FAM133A: variants seen among roughly 807,000 people sequenced by gnomAD.
FAM133A encodes family with sequence similarity 133 member A.
For missense variants in FAM133A, 159 were observed against 164.4 expected (o/e 0.97, Z 0.18); for synonymous variants, 65 against 58.6 (o/e 1.11, Z -0.50).
At chrX:93,695,786 C>T (rs1341594039) in intron 2 of FAM133A, among the ~76,000 whole-genome samples, 3 of 107,618 alleles carry the variant, frequency 2.8e-5, no homozygotes, top group African/African-American at 6.8e-5. Flanking sequence ...GGACTATAGG[C>T]GCCCGCCACC....
intron 2 of FAM133A, among the ~76,000 whole-genome samples, chrX:93,694,621 C>T (rs1436652713): frequency 9.0e-6 from 1 of 111,283 alleles, no homozygotes; most frequent in East Asian, 2.8e-4. Flanking sequence ...AGGAAAACAG[C>T]TCTATTAGGG....
At chrX:93,709,131 A>G (rs1162869884) in intron 3 of FAM133A, among the ~76,000 whole-genome samples, 186 bp from the exon 4 acceptor site, 1 of 111,893 alleles carries the variant, frequency 8.9e-6, no homozygotes, top group Non-Finnish European at 1.9e-5. Context: ...AGTTTATATT[A>G]TGTTTATACC....
chrX:93,709,816 A>G lies in FAM133A; in HGVS notation c.397A>G (p.Lys133Glu). 8.3e-7 allele frequency: 1 copy of G among 1,198,967 alleles called. No homozygotes were observed. Among genetic ancestry groups the G allele is most frequent in the Non-Finnish European group, 1.1e-6 (1 of 888,589 alleles). Reference sequence around the variant, plus strand: ...AAAGAAACAAGGAAAAAGGAGAAAGAAAAAGAAGAACCGTTCATACAAATC... The same window carrying G: ...AAAGAAACAAGGAAAAAGGAGAAAGGAAAAGAAGAACCGTTCATACAAATC... ...EEKKQGKRRK[K>E]KKNRSYKSSQ... The change falls in exon 4 of 4, where the codon AAA becomes GAA. Residue 133 changes from lysine (K) to glutamate (E), a missense_variant. Lys to Glu is a moderately conservative substitution (Grantham distance 56, BLOSUM62 1). Coordinates refer to ENST00000683942, the MANE Select transcript of FAM133A (RefSeq NM_001171109.2).
intron 2 of FAM133A, among the ~76,000 whole-genome samples, chrX:93,693,678 G>A (rs1380123086): frequency 1.8e-5 from 2 of 111,374 alleles, no homozygotes; most frequent in Non-Finnish European, 3.8e-5. Context: ...TACAAGTTGA[G>A]ATGCAACATT....
At chrX:93,699,888 T>C (rs1349809161) in intron 3 of FAM133A, among the ~76,000 whole-genome samples, 1 of 111,008 alleles carries the variant, frequency 9.0e-6, no homozygotes, top group African/African-American at 3.3e-5. Context: ...CTCCCCCCAG[T>C]TTTTAGCAGT....
rs760979272 is a variant in FAM133A, at chrX:93,710,199, A to T, written c.*33A>T. On this transcript the variant is annotated 3_prime_UTR_variant, in exon 4 of 4. Coordinates refer to ENST00000683942, the MANE Select transcript of FAM133A (RefSeq NM_001171109.2). ...AAAAAAAGCAAGAATGAGTTTGCCG[A>T]GTTCCCCTGTGTTAGTAGAATTATT... The T allele has an allele frequency of 2.6e-6, 3 of 1,139,802 alleles. No homozygotes were observed. Among genetic ancestry groups the T allele is most frequent in the Middle Eastern group, 3.6e-4 (1 of 2,787 alleles). 93.9% of individuals were successfully genotyped at this position (1,139,802 alleles called of 1,213,427 possible). A position where few individuals can be genotyped will look rare whatever the true frequency, so the allele number is the denominator to read the frequency against.
intron 3 of FAM133A, among the ~76,000 whole-genome samples, chrX:93,700,124 AT>A (rs1926594326): frequency 9.1e-6 from 1 of 110,027 alleles, no homozygotes; most frequent in Non-Finnish European, 1.9e-5. Context: ...AGTCCATGAA[AT>A]TGATTTTTAG....
chrX:93,704,490 G>A (rs1214073787), intron 3 of FAM133A, among the ~76,000 whole-genome samples: 1 of 111,279 alleles, frequency 9.0e-6, no homozygotes, highest in African/African-American at 3.3e-5. Context: ...TCAGATTAAG[G>A]CTTAGAGGAA....
intron 3 of FAM133A, among the ~76,000 whole-genome samples, chrX:93,702,006 C>T (rs1054986857): frequency 8.9e-6 from 1 of 111,975 alleles, no homozygotes; most frequent in East Asian, 2.8e-4. Flanking sequence ...GTCATATCAC[C>T]TAGATGTCCA....
intron 3 of FAM133A, among the ~76,000 whole-genome samples, chrX:93,703,133 G>T (rs1405899184): frequency 9.0e-6 from 1 of 111,664 alleles, no homozygotes; most frequent in African/African-American, 3.3e-5. Context: ...AGGTTGCAGT[G>T]AGCCGAAATG....
At position 93,705,730 on chromosome X, in the gene FAM133A, C is replaced by A. The variant is rs533616417; in HGVS notation, c.-103-3587C>A. ...GCCTCTGCTCTTGGGGGAAGAAATT[C>A]TTTCTATCTCTGAATTTAATTTCAT... On this transcript the variant is annotated intron_variant, in intron 3 of 3. Coordinates refer to ENST00000683942, the MANE Select transcript of FAM133A (RefSeq NM_001171109.2). Among the ~76,000 whole-genome samples the A allele has an allele frequency of 1.0e-3, 111 of 110,745 alleles. 1 individual carries two copies. The highest frequency in any genetic ancestry group is 4.6e-3 in the South Asian group (12 of 2,611).
rs1884913913 is a variant in FAM133A at position 93,681,502 on chromosome X, G to A, written c.-193+6750G>A. On this transcript the variant is annotated intron_variant, in intron 2 of 3. Transcript: ENST00000683942. ...ATGTTTCTATGAAAGTATATGTTTA[G>A]TAAGTAGTATAGACTAATGCTTCAG... Among the ~76,000 whole-genome samples, 3 of 111,620 alleles carry A rather than the reference G, an allele frequency of 2.7e-5. No individual in the cohort carries two copies. In the Admixed American group the frequency reaches 2.9e-4, roughly 11 times the overall value.
intron 3 of FAM133A, among the ~76,000 whole-genome samples, chrX:93,703,636 T>C (rs915029525): frequency 3.6e-5 from 4 of 112,537 alleles, no homozygotes; most frequent in Non-Finnish European, 5.6e-5. Flanking sequence ...TTTTTCTGAA[T>C]ACAAAATTCA....
intron 3 of FAM133A, among the ~76,000 whole-genome samples, chrX:93,702,653 C>T (rs1383283452): frequency 4.6e-5 from 5 of 108,632 alleles, no homozygotes; most frequent in Non-Finnish European, 9.5e-5. Flanking sequence ...GAGTACAGTA[C>T]GGAAATGGGA....
In FAM133A at chrX:93,687,555, C is replaced by T. The variant is rs769366803; in HGVS notation, c.-192-10842C>T. ...GACACATAATGGTTATACATATTTACGGGTTACAACATGGTGTTTTGGTAC... is the reference window on the plus strand; with the variant it reads ...GACACATAATGGTTATACATATTTATGGGTTACAACATGGTGTTTTGGTAC... On this transcript the variant is annotated intron_variant, in intron 2 of 3. Transcript: ENST00000683942. Among the ~76,000 whole-genome samples, 12 of 111,580 alleles carry T rather than the reference C, an allele frequency of 1.1e-4. No individual in the cohort carries two copies. In the South Asian group the frequency reaches 3.7e-3, roughly 35 times the overall value.
At chrX:93,684,360 C>T (rs939848354) in intron 2 of FAM133A, among the ~76,000 whole-genome samples, 2 of 111,824 alleles carry the variant, frequency 1.8e-5, no homozygotes, top group Non-Finnish European at 3.8e-5. Context: ...TATTGAACTA[C>T]GTGCCTCTTT....
In FAM133A at chrX:93,709,816, A is replaced by T. The variant is rs1405475823; in HGVS notation, c.397A>T (p.Lys133Ter). Residue 133 changes from lysine to a stop codon, truncating the protein, a stop_gained, in exon 4 of 4, where the codon AAA (lysine) becomes TAA (stop). Coordinates refer to ENST00000683942, the MANE Select transcript of FAM133A (RefSeq NM_001171109.2). LOFTEE classifies it low-confidence loss of function (END_TRUNC). ...AAAGAAACAAGGAAAAAGGAGAAAG[A>T]AAAAGAAGAACCGTTCATACAAATC... ...EEKKQGKRRK[K>*]KKNRSYKSSQ... The T allele has an allele frequency of 8.3e-7, 1 of 1,198,967 alleles. No individual in the cohort carries two copies. Among genetic ancestry groups the T allele is most frequent in the Non-Finnish European group, 1.1e-6 (1 of 888,589 alleles).
At chrX:93,682,440 G>C (rs1925230292) in intron 2 of FAM133A, among the ~76,000 whole-genome samples, 1 of 111,771 alleles carries the variant, frequency 8.9e-6, no homozygotes, top group African/African-American at 3.2e-5. Context: ...TTTATTGTGT[G>C]TACACACACA....
intron 2 of FAM133A, among the ~76,000 whole-genome samples, chrX:93,692,032 T>C (rs1481624532): frequency 3.6e-5 from 4 of 111,422 alleles, no homozygotes. Flanking sequence ...ATGGTTGCTT[T>C]TGTTAATTTT....
Sources: gnomAD v4.1 joint callset for allele counts (sites outside exome capture counted in the v4.1 genomes callset) on GRCh38, gnomAD v4.1.1 for gene constraint, MANE v1.5 for transcripts, NCBI Gene and HGNC (gene_info 2026-07-23, HGNC 2026-07-21) for gene names.